Variants in SLC8A1 observed in about 807,000 individuals in gnomAD.
The protein encoded by SLC8A1 is solute carrier family 8 member A1, also known as sodium/calcium exchanger 1.
Under a neutral mutation model 68.3 loss-of-function variants are expected in SLC8A1, and 18 were observed. That is an observed-to-expected ratio of 0.26 (90% CI 0.18 to 0.39). SLC8A1 has a LOEUF of 0.39. Among genes scored for constraint, SLC8A1 ranks in the 10% least tolerant of loss-of-function variants. The probability of loss-of-function intolerance (pLI) is 1.00; values close to 1 mark genes in which losing one functional copy is unlikely to be tolerated. For synonymous variants in SLC8A1, 475 were observed against 415.5 expected, an observed-to-expected ratio of 1.14 and a Z score of -1.74; for missense variants, 985 against 1,156.7, an observed-to-expected ratio of 0.85 and a Z score of 2.15.
intron 1 of SLC8A1, among the ~76,000 whole-genome samples, chr2:40,488,452 T>G (rs62149451): frequency 6.9e-4 from 103 of 149,358 alleles, no homozygotes; most frequent in Non-Finnish European, 1.3e-3. Flanking sequence ...ACTTTCTAGT[T>G]TGTGTGTGTG....
intron 1 of SLC8A1, among the ~76,000 whole-genome samples, chr2:40,485,897 G>A (rs893236116): frequency 6.6e-6 from 1 of 152,104 alleles, no homozygotes; most frequent in Admixed American, 6.5e-5. Context: ...TTTGTTTAAA[G>A]AATAAATTGA....
intron 1 of SLC8A1, among the ~76,000 whole-genome samples, chr2:40,477,532 A>G (rs1339107172): frequency 6.6e-6 from 1 of 152,192 alleles, no homozygotes; most frequent in Non-Finnish European, 1.5e-5. Context: ...CCCAAATGCC[A>G]AAGACTCTTG....
At chr2:40,189,359 C>T (rs374711) in intron 2 of SLC8A1, among the ~76,000 whole-genome samples, 17,755 of 152,256 alleles carry the variant, frequency 0.12, 1,173 homozygotes, top group Middle Eastern at 0.2. Context: ...CTCGCTCTGT[C>T]GCCCAGTCTG....
chr2:40,236,658 T>G lies in SLC8A1; in HGVS notation c.1809-58803A>C, dbSNP rs1216615398. Reference sequence around the variant, plus strand: ...TCCTGTCATTATGATGTTAGCTGGTTATTTTGCTCGTTAGTTGATGCAGTT... The same window carrying G: ...TCCTGTCATTATGATGTTAGCTGGTGATTTTGCTCGTTAGTTGATGCAGTT... On this transcript the variant is annotated intron_variant, in intron 2 of 7. Transcript: ENST00000406785. Among the ~76,000 whole-genome samples, 29 of 152,188 alleles carry G rather than the reference T, an allele frequency of 1.9e-4. No homozygotes were observed. In the East Asian group the frequency reaches 1.9e-3, roughly 10 times the overall value.
At chr2:40,347,512 G>A (rs1444222006) in intron 2 of SLC8A1, among the ~76,000 whole-genome samples, 1 of 152,142 alleles carries the variant, frequency 6.6e-6, no homozygotes, top group African/African-American at 2.4e-5. Context: ...AAGTTACTGA[G>A]TTATCCTCTC....
chr2:40,420,360 TAA>T (rs200504689), intron 2 of SLC8A1, among the ~76,000 whole-genome samples: 4 of 138,414 alleles, frequency 2.9e-5, no homozygotes, highest in African/African-American at 2.7e-5. Context: ...GGTAACACAT[TAA>T]AAAAAAAAAA....
intron 5 of SLC8A1, among the ~76,000 whole-genome samples, chr2:40,161,891 T>A (rs1181464387): frequency 1.3e-5 from 2 of 152,218 alleles, no homozygotes; most frequent in South Asian, 2.1e-4. Flanking sequence ...ATATGTTTTA[T>A]GCAATGTACT....
chr2:40,240,198 C>T (rs532076062), intron 2 of SLC8A1, among the ~76,000 whole-genome samples: 2 of 152,258 alleles, frequency 1.3e-5, no homozygotes, highest in Admixed American at 1.3e-4. Flanking sequence ...AATGATTATC[C>T]CTAGATACAG....
At chr2:40,240,392 C>A (rs952918380) in intron 2 of SLC8A1, among the ~76,000 whole-genome samples, 2 of 152,102 alleles carry the variant, frequency 1.3e-5, no homozygotes, top group Non-Finnish European at 2.9e-5. Context: ...GGCTTCCTCT[C>A]GGCTGAGCTT....
intron 3 of SLC8A1, 117 bp from the exon 4 acceptor site, chr2:40,175,398 A>G (rs2048294231): frequency 1.0e-6 from 1 of 971,586 alleles, no homozygotes; most frequent in South Asian, 1.5e-5. Context: ...GTAGGGAGCC[A>G]CTGCTAAAAA....
At chr2:40,463,816 A>T (rs911061320) in intron 1 of SLC8A1, among the ~76,000 whole-genome samples, 1 of 148,610 alleles carries the variant, frequency 6.7e-6, no homozygotes, top group Admixed American at 6.8e-5. Flanking sequence ...ATTAAAGAGG[A>T]TATATACATA....
In SLC8A1 at chr2:40,178,373, A is replaced by G; in HGVS notation, c.1809-518T>C. ...CAGAAGCTGTTGGGCTCAGCCCTGG[A>G]GCAGCTCCCCCACCTTTCTTCTCAC... On this transcript the variant is annotated intron_variant, in intron 2 of 7. Transcript: ENST00000406785. 7 of 1,607,510 alleles carry G rather than the reference A, an allele frequency of 4.4e-6. No individual in the cohort carries two copies. Among genetic ancestry groups the G allele is most frequent in the Non-Finnish European group, 6.0e-6 (7 of 1,174,382 alleles).
intron 2 of SLC8A1, among the ~76,000 whole-genome samples, chr2:40,304,960 C>A (rs535172059): frequency 1.3e-5 from 2 of 152,304 alleles, no homozygotes; most frequent in Non-Finnish European, 2.9e-5. Context: ...TAGGTCAGTG[C>A]TTCTAAACTT....
At chr2:40,126,021 T>C (rs2038014074) in intron 7 of SLC8A1, among the ~76,000 whole-genome samples, 1 of 152,150 alleles carries the variant, frequency 6.6e-6, no homozygotes, top group South Asian at 2.1e-4. Flanking sequence ...CTTAGTTTCA[T>C]TTTGTCAGGG....
At chr2:40,149,503 G>C (rs928327152) in intron 6 of SLC8A1, among the ~76,000 whole-genome samples, 1 of 152,170 alleles carries the variant, frequency 6.6e-6, no homozygotes, top group African/African-American at 2.4e-5. Flanking sequence ...GAAATAATCG[G>C]ATATGGAGGG....
intron 2 of SLC8A1, among the ~76,000 whole-genome samples, chr2:40,209,600 G>A (rs1227618545): frequency 1.3e-5 from 2 of 152,158 alleles, no homozygotes; most frequent in Admixed American, 1.3e-4. Flanking sequence ...AGATTGTAGA[G>A]ATAAGGGTGC....
At chr2:40,115,677 G>T in intron 7 of SLC8A1, 48 bp from the exon 11 acceptor site, 1 of 1,563,484 alleles carries the variant, frequency 6.4e-7, no homozygotes, top group Non-Finnish European at 8.6e-7. Context: ...TTTTAGAGAT[G>T]TCTTTGGAGT....
chr2:40,321,064 G>A (rs969026240), intron 2 of SLC8A1, among the ~76,000 whole-genome samples: 3 of 152,102 alleles, frequency 2.0e-5, no homozygotes, highest in African/African-American at 2.4e-5. Flanking sequence ...CCCTTTGTTC[G>A]ATTTGGCTCT....
At chr2:40,265,343 G>A (rs1349339191) in intron 2 of SLC8A1, among the ~76,000 whole-genome samples, 1 of 152,130 alleles carries the variant, frequency 6.6e-6, no homozygotes, top group East Asian at 1.9e-4. Context: ...TAAGGCCAAT[G>A]CTTTTGTACT....
Sources: allele counts gnomAD v4.1 joint callset (sites outside exome capture counted in the v4.1 genomes callset), GRCh38; gene constraint gnomAD v4.1.1; transcripts MANE v1.5; gene names NCBI Gene and HGNC (gene_info 2026-07-23, HGNC 2026-07-21).